Variants in CALU observed in about 807,000 individuals in gnomAD.
CALU encodes the protein IEF SSP 9302.
A neutral mutation model predicts 37.5 loss-of-function variants in CALU; 13 were observed. That is an observed-to-expected ratio of 0.35 (90% CI 0.23 to 0.55). The LOEUF (loss-of-function observed/expected upper bound fraction) is 0.55, where lower values mean the gene tolerates loss of function less well. Among genes scored for constraint, CALU ranks in the 20% least tolerant of loss-of-function variants. The pLI is 0.89. For missense variants in CALU, 282 were observed against 391.7 expected (o/e 0.72, Z 2.36); for synonymous variants, 114 against 133.8 (o/e 0.85, Z 1.02).
At chr7:128,757,559 G>A (rs1016386504) in intron 3 of CALU, among the ~76,000 whole-genome samples, 1 of 152,010 alleles carries the variant, frequency 6.6e-6, no homozygotes, top group Admixed American at 6.5e-5. Flanking sequence ...AATCTCAAAG[G>A]TCAGCAGTAA....
At chr7:128,762,363 G>A (rs1801152848) in intron 5 of CALU, among the ~76,000 whole-genome samples, 2 of 146,902 alleles carry the variant, frequency 1.4e-5, no homozygotes, top group Non-Finnish European at 3.0e-5. Context: ...TCTTGTGCAT[G>A]TGTGCTTTTT....
At chr7:128,766,029 T>A (rs1039066600) in intron 5 of CALU, among the ~76,000 whole-genome samples, 71 of 152,216 alleles carry the variant, frequency 4.7e-4, no homozygotes, top group African/African-American at 1.6e-3. Flanking sequence ...CGGTCTCGGC[T>A]CATTGCAACC....
chr7:128,760,400 T>A (rs1801062949), intron 5 of CALU, among the ~76,000 whole-genome samples: 1 of 152,114 alleles, frequency 6.6e-6, no homozygotes, highest in Non-Finnish European at 1.5e-5. Flanking sequence ...ATAGCCACAT[T>A]AAAAAGTAAA....
chr7:128,743,723 G>A, intron 1 of CALU, among the ~76,000 whole-genome samples: 1 of 151,886 alleles, frequency 6.6e-6, no homozygotes, highest in East Asian at 1.9e-4. Flanking sequence ...GATTGCCTAG[G>A]CTGGTCTTGA....
Position 128,772,729 on chromosome 7 carries a change from C to G in CALU, c.*3562C>G. 2.5e-6 allele frequency: 4 copies of G among 1,599,298 alleles called. No homozygotes were observed. The highest frequency in any genetic ancestry group is 3.4e-6 in the Non-Finnish European group (4 of 1,167,092). On this transcript the variant is annotated 3_prime_UTR_variant, in exon 7 of 7. Coordinates refer to ENST00000249364, the MANE Select transcript of CALU (RefSeq NM_001219.5). Reference sequence around the variant, plus strand: ...AGTATGGGAAAAAAGACCTTATTCTCTGTATCACCAAAGCCTTGCACAATG... The same window carrying G: ...AGTATGGGAAAAAAGACCTTATTCTGTGTATCACCAAAGCCTTGCACAATG...
Position 128,773,111 on chromosome 7 carries a change from A to G in CALU, c.*3944A>G, listed in dbSNP as rs1250060539. On this transcript the variant is annotated 3_prime_UTR_variant, in exon 7 of 7. Transcript: ENST00000249364. ...TATTAGCTCGGATTTCAGATGGGAT[A>G]GGAAATCCCCCAGTACCTTCAGATG... Among the ~76,000 whole-genome samples the G allele has an allele frequency of 2.6e-5, 4 of 152,234 alleles. No homozygotes were observed. The highest frequency in any genetic ancestry group is 4.4e-5 in the Non-Finnish European group (3 of 68,036).
intron 3 of CALU, among the ~76,000 whole-genome samples, chr7:128,757,399 G>A (rs1800930053): frequency 6.9e-6 from 1 of 145,868 alleles, no homozygotes; most frequent in Non-Finnish European, 1.5e-5. Context: ...GTGTACACAG[G>A]ATCCCAAAGC....
chr7:128,743,760 C>T (rs1376561078), intron 1 of CALU, among the ~76,000 whole-genome samples: 2 of 152,112 alleles, frequency 1.3e-5, no homozygotes, highest in Non-Finnish European at 2.9e-5. Flanking sequence ...CGCCTTGGCC[C>T]TCCAAAGTGC....
chr7:128,765,531 C>T (rs926856809), intron 5 of CALU, among the ~76,000 whole-genome samples: 4 of 152,190 alleles, frequency 2.6e-5, no homozygotes, highest in African/African-American at 9.6e-5. Context: ...AAGCCTTAGT[C>T]ACTTTGACAT....
chr7:128,761,030 T>G (rs1264301123), intron 5 of CALU, among the ~76,000 whole-genome samples: 2 of 152,256 alleles, frequency 1.3e-5, no homozygotes, highest in Admixed American at 1.3e-4. Flanking sequence ...CTGATCCCTC[T>G]TGTAGCCATT....
In CALU at chr7:128,773,316, T is replaced by C. The variant is rs2128885619; in HGVS notation, c.*4149T>C. Among the ~76,000 whole-genome samples the C allele has an allele frequency of 6.6e-6, 1 of 152,348 alleles. No homozygotes were observed. The highest frequency in any genetic ancestry group is 1.5e-5 in the Non-Finnish European group (1 of 68,036). The stretch of plus-strand genomic sequence containing the variant: ...TTTTATTTAAGTTCCAGGATACATG[T>C]GCAGGATGTGCAGGTTTGTTACATA... On this transcript the variant is annotated 3_prime_UTR_variant, in exon 7 of 7. Coordinates refer to ENST00000249364, the MANE Select transcript of CALU (RefSeq NM_001219.5).
At chr7:128,769,027 T>A (rs1801453041) in intron 6 of CALU, 36 bp from the exon 7 acceptor site, 1 of 1,180,796 alleles carries the variant, frequency 8.5e-7, no homozygotes, top group African/African-American at 1.5e-5. Flanking sequence ...ATGGGAAATA[T>A]GTTCTTCTTC....
At chr7:128,762,247 A>C (rs1192821978) in intron 5 of CALU, among the ~76,000 whole-genome samples, 5 of 152,006 alleles carry the variant, frequency 3.3e-5, no homozygotes, top group African/African-American at 1.2e-4. Context: ...ACTGTTAACT[A>C]CATCACTTAT....
In CALU at chr7:128,769,053, C is replaced by G. The variant is rs777484467; in HGVS notation, c.844-10C>G. ...GTTCTTCTTCAATTCATTGCTATCTCTACTTTCAGGATGGCAAGCTTACCA... is the reference window on the plus strand; with the variant it reads ...GTTCTTCTTCAATTCATTGCTATCTGTACTTTCAGGATGGCAAGCTTACCA... On this transcript the variant is annotated splice_polypyrimidine_tract_variant and intron_variant, in intron 6 of 6. Coordinates refer to ENST00000249364, the MANE Select transcript of CALU (RefSeq NM_001219.5). 4.6e-6 allele frequency: 7 copies of G among 1,507,268 alleles called. No homozygotes were observed. Among genetic ancestry groups the G allele is most frequent in the Non-Finnish European group, 6.5e-6 (7 of 1,083,614 alleles). The allele number at this position is 1,507,268 out of a possible 1,614,324, so 93.4% of individuals were successfully genotyped here.
At chr7:128,759,965 G>A (rs1032856365) in intron 5 of CALU, 113 bp downstream of exon 5, 5 of 654,214 alleles carry the variant, frequency 7.6e-6, no homozygotes, top group Non-Finnish European at 1.4e-5. Flanking sequence ...GGAGGCCGAG[G>A]CGGGCAGATC....
intron 6 of CALU, among the ~76,000 whole-genome samples, chr7:128,768,861 A>AAAAAAAAAAAAAAAAAAAAAAAAAG (rs1562883625): frequency 6.6e-6 from 1 of 150,644 alleles, no homozygotes; most frequent in Non-Finnish European, 1.5e-5. Flanking sequence ...AAAAAAAAAA[A>AAAAAAAAAAAAAAAAAAAAAAAAAG]AAAAAAACAA....
chr7:128,766,151 G>A (rs957035345), intron 5 of CALU, among the ~76,000 whole-genome samples: 7 of 151,844 alleles, frequency 4.6e-5, no homozygotes, highest in Non-Finnish European at 7.4e-5. Context: ...TAGTAGAGAC[G>A]GGGTTTCACC....
rs2128885350 is a variant in CALU at position 128,772,683 on chromosome 7, G to A, written c.*3516G>A. 6.2e-7 allele frequency: 1 copy of A among 1,613,978 alleles called. No individual in the cohort carries two copies. Among genetic ancestry groups the A allele is most frequent in the Non-Finnish European group, 8.5e-7 (1 of 1,179,862 alleles). ...AACTGGAGAGAAAGGTACAATTGGAGATAACCTTGGCAGATGAGGAAGTAT... is the reference window on the plus strand; with the variant it reads ...AACTGGAGAGAAAGGTACAATTGGAAATAACCTTGGCAGATGAGGAAGTAT... On this transcript the variant is annotated 3_prime_UTR_variant, in exon 7 of 7. Coordinates refer to ENST00000249364, the MANE Select transcript of CALU (RefSeq NM_001219.5).
At chr7:128,765,242 A>G (rs989249379) in intron 5 of CALU, among the ~76,000 whole-genome samples, 1 of 151,724 alleles carries the variant, frequency 6.6e-6, no homozygotes, top group Admixed American at 6.6e-5. Context: ...TCTTTTTGAG[A>G]CAGGGTCTCA....
Sources: allele counts gnomAD v4.1 joint callset (sites outside exome capture counted in the v4.1 genomes callset), GRCh38; gene constraint gnomAD v4.1.1; transcripts MANE v1.5; gene names NCBI Gene and HGNC (gene_info 2026-07-23, HGNC 2026-07-21).